Variants in TEX52 observed in about 807,000 individuals in gnomAD.
The protein encoded by TEX52 is testis expressed 52, also known as testis-expressed protein 52.
In TEX52, 22 loss-of-function variants were observed where a neutral mutation model predicts 17.6. The ratio of observed to expected loss-of-function variants is 1.25; its 90% CI spans 0.89 to 1.78. TEX52 has a LOEUF of 1.78. Ranked by LOEUF, TEX52 falls within the 40% of genes most tolerant of loss-of-function variation. The pLI, the probability that TEX52 is intolerant of heterozygous loss-of-function variation, is 0.00. For synonymous variants in TEX52, 168 were observed against 147.4 expected, an observed-to-expected ratio of 1.14 and a Z score of -1.01; for missense variants, 396 against 372.3, an observed-to-expected ratio of 1.06 and a Z score of -0.52.
At chr12:2,853,547 A>G (rs1007218500) in intron 2 of TEX52, among the ~76,000 whole-genome samples, 1 of 151,714 alleles carries the variant, frequency 6.6e-6, no homozygotes, top group Non-Finnish European at 1.5e-5. Context: ...TGCTGGGATT[A>G]CAGGCGTGAG....
intron 2 of TEX52, among the ~76,000 whole-genome samples, chr12:2,850,015 G>T (rs2098065026): frequency 6.6e-6 from 1 of 152,292 alleles, no homozygotes; most frequent in East Asian, 1.9e-4. Context: ...TTTGCCCCTG[G>T]TTCGGCAGAT....
intron 2 of TEX52, 99 bp downstream of exon 2, chr12:2,854,797 G>A (rs2098081983): frequency 3.2e-6 from 4 of 1,260,196 alleles, no homozygotes; most frequent in Admixed American, 2.7e-5. Flanking sequence ...GCCAGAGCGG[G>A]GAAGGACAGA....
chr12:2,854,162 A>G (rs1360070390), intron 2 of TEX52, among the ~76,000 whole-genome samples: 1 of 152,104 alleles, frequency 6.6e-6, no homozygotes, highest in East Asian at 1.9e-4. Context: ...AGTAGCTGGG[A>G]TTGCAGGCAC....
At chr12:2,850,736 G>A (rs1393779145) in intron 2 of TEX52, among the ~76,000 whole-genome samples, 4 of 151,384 alleles carry the variant, frequency 2.6e-5, no homozygotes, top group Admixed American at 6.6e-5. Context: ...GCAGTGGCAC[G>A]ATCTTGGCTC....
At chr12:2,850,279 G>A (rs899072217) in intron 2 of TEX52, among the ~76,000 whole-genome samples, 3 of 152,074 alleles carry the variant, frequency 2.0e-5, no homozygotes, top group African/African-American at 7.2e-5. Context: ...TTCGAGACCA[G>A]CCTGGCCGAC....
At chr12:2,854,240 G>A (rs939176372) in intron 2 of TEX52, among the ~76,000 whole-genome samples, 3 of 151,982 alleles carry the variant, frequency 2.0e-5, no homozygotes, top group African/African-American at 7.2e-5. Flanking sequence ...GGTCAGGCTG[G>A]TCTGGAACTC....
At chr12:2,849,880 C>G (rs2098064523) in intron 2 of TEX52, among the ~76,000 whole-genome samples, 1 of 152,240 alleles carries the variant, frequency 6.6e-6, no homozygotes, top group Admixed American at 6.5e-5. Context: ...AATCACAGAA[C>G]TCAGCTCAAC....
rs551621365 is a variant in TEX52, at chr12:2,855,270, G to T, written c.249C>A (p.His83Gln). 3 of 1,515,914 alleles carry T rather than the reference G, an allele frequency of 2.0e-6. No homozygotes were observed. The highest frequency in any genetic ancestry group is 8.8e-7 in the Non-Finnish European group (1 of 1,132,032). 93.9% of individuals were successfully genotyped at this position (1,515,914 alleles called of 1,614,324 possible). Residue 83 changes from histidine to glutamine, a missense_variant, in exon 2 of 3, where the codon CAC (histidine) becomes CAA (glutamine). By Grantham distance (24) the His-to-Gln change is conservative (BLOSUM62 0). Transcript: ENST00000637658. ...MKSKVRQRLI[H>Q]PWKGGAQHTW... ...TGTGCTGGGCGCCACCCTTCCAAGGGTGGATGAGCCGCTGACGCACCTTGG... is the reference window on the plus strand; with the variant it reads ...TGTGCTGGGCGCCACCCTTCCAAGGTTGGATGAGCCGCTGACGCACCTTGG...
chr12:2,848,996 C>T (rs1406188049), downstream of TEX52: 1 of 527,946 alleles, frequency 1.9e-6, no homozygotes, highest in Non-Finnish European at 3.3e-6. Flanking sequence ...GGCCGCAGTC[C>T]TCCCACCTTC....
intron 2 of TEX52, among the ~76,000 whole-genome samples, chr12:2,853,828 C>G (rs1339662147): frequency 1.3e-5 from 2 of 152,056 alleles, no homozygotes; most frequent in African/African-American, 4.8e-5. Context: ...AGCGGCTCCT[C>G]TCAACGTTCC....
intron 2 of TEX52, 80 bp downstream of exon 2, chr12:2,854,816 T>C (rs1201965428): frequency 1.7e-5 from 23 of 1,392,098 alleles, no homozygotes; most frequent in East Asian, 5.0e-5. Context: ...GAGTCCCGGT[T>C]AGAAACAGGA....
downstream of TEX52, chr12:2,849,022 A>G (rs2098061508): frequency 6.7e-6 from 4 of 594,324 alleles, no homozygotes; most frequent in East Asian, 9.0e-5. Context: ...GAGTCCTCCA[A>G]GGAAGAAATA....
At position 2,855,308 on chromosome 12, in the gene TEX52, T is replaced by C; in HGVS notation, c.211A>G (p.Thr71Ala). 1 of 1,531,154 alleles carries C rather than the reference T, an allele frequency of 6.5e-7. No homozygotes were observed. Among genetic ancestry groups the C allele is most frequent in the Non-Finnish European group, 8.7e-7 (1 of 1,143,524 alleles). The allele number at this position is 1,531,154 out of a possible 1,614,324, so 94.8% of individuals were successfully genotyped here. ...TGACGCACCTTGGACTTCATATCTG[T>C]GCAGGGCGGCAGCTTCAGAGCCAGC... ...HQLALKLPPC[T>A]DMKSKVRQRL... Residue 71 changes from threonine to alanine, a missense_variant, in exon 2 of 3, where the codon ACA (threonine) becomes GCA (alanine). By Grantham distance (58) the Thr-to-Ala change is moderately conservative. Coordinates refer to ENST00000637658, the MANE Select transcript of TEX52 (RefSeq NM_001365174.2).
intron 2 of TEX52, 121 bp from the exon 3 acceptor site, chr12:2,849,646 A>G: frequency 8.8e-7 from 1 of 1,136,842 alleles, no homozygotes; most frequent in Non-Finnish European, 1.2e-6. Context: ...ATCAGGCGGC[A>G]GGGAATCCCT....
At chr12:2,853,382 C>G (rs1318660615) in intron 2 of TEX52, among the ~76,000 whole-genome samples, 4 of 152,124 alleles carry the variant, frequency 2.6e-5, no homozygotes, top group Admixed American at 6.5e-5. Context: ...AAGTGATTCC[C>G]CTGCCTCAGC....
At chr12:2,847,843 A>G (rs1183777102), downstream of TEX52, among the ~76,000 whole-genome samples, 1 of 152,176 alleles carries the variant, frequency 6.6e-6, no homozygotes, top group Non-Finnish European at 1.5e-5. Context: ...TTCACTCAGC[A>G]TGATGTTTTC....
intron 2 of TEX52, among the ~76,000 whole-genome samples, chr12:2,853,568 C>A (rs11062384): frequency 1.3e-5 from 2 of 151,678 alleles, no homozygotes; most frequent in African/African-American, 4.9e-5. Flanking sequence ...CCACCAGGCC[C>A]GGCCTGTTTT....
intron 1 of TEX52, among the ~76,000 whole-genome samples, chr12:2,856,098 T>TA (rs1397622538): frequency 6.6e-6 from 1 of 152,142 alleles, no homozygotes; most frequent in Admixed American, 6.6e-5. Flanking sequence ...GCTAAATACT[T>TA]ACATGGATCT....
chr12:2,854,822 C>T (rs2098082065), intron 2 of TEX52, 74 bp downstream of exon 2: 2 of 1,417,434 alleles, frequency 1.4e-6, no homozygotes, highest in Admixed American at 2.5e-5. Context: ...CGGTTAGAAA[C>T]AGGAACCTGA....
Sources: allele counts gnomAD v4.1 joint callset (sites outside exome capture counted in the v4.1 genomes callset), GRCh38; gene constraint gnomAD v4.1.1; transcripts MANE v1.5; gene names NCBI Gene and HGNC (gene_info 2026-07-23, HGNC 2026-07-21).